Variants in PLPP3 observed in about 807,000 individuals in gnomAD.
PLPP3 encodes PAP2 beta.
Under a neutral mutation model 29.6 loss-of-function variants are expected in PLPP3, and 6 were observed. The observed-to-expected ratio is 0.20, with a 90% CI of 0.11 to 0.40. PLPP3 has a LOEUF of 0.40. PLPP3 is among the 10% of genes least tolerant of loss of function. The probability of loss-of-function intolerance (pLI) is 1.00; values close to 1 mark genes in which losing one functional copy is unlikely to be tolerated. For synonymous variants in PLPP3, 152 were observed against 159.7 expected, an observed-to-expected ratio of 0.95 and a Z score of 0.36; for missense variants, 308 against 407.7, an observed-to-expected ratio of 0.76 and a Z score of 2.11.
At chr1:56,573,740 A>G (rs1241463952) in intron 1 of PLPP3, among the ~76,000 whole-genome samples, 2 of 152,224 alleles carry the variant, frequency 1.3e-5, no homozygotes, top group African/African-American at 4.8e-5. Flanking sequence ...TTGAACTGAC[A>G]CACAGGACAG....
At chr1:56,530,413 C>T (rs1645879894) in intron 2 of PLPP3, among the ~76,000 whole-genome samples, 2 of 152,190 alleles carry the variant, frequency 1.3e-5, no homozygotes, top group South Asian at 2.1e-4. Flanking sequence ...GCTAACTCTC[C>T]CACCTGGAGA....
rs977595034 is a variant in PLPP3 at position 56,578,781 on chromosome 1, G to T, written c.139+97C>A. ...GCGGGGGCCCCCCGGAGCTGACGGC[G>T]CGGCGCGGCGCGGCGCTGCGCGGCC... On this transcript the variant is annotated intron_variant, in intron 1 of 5. Transcript: ENST00000371250. The T allele has an allele frequency of 8.1e-5, 99 of 1,222,090 alleles. No individual in the cohort carries two copies. The East Asian group carries it at 3.4e-3, about 42-fold the overall frequency. 75.7% of individuals were successfully genotyped at this position (1,222,090 alleles called of 1,614,324 possible).
At chr1:56,502,836 A>G (rs1468357035) in intron 5 of PLPP3, among the ~76,000 whole-genome samples, 1 of 152,230 alleles carries the variant, frequency 6.6e-6, no homozygotes, top group African/African-American at 2.4e-5. Flanking sequence ...TCAGAGTTCA[A>G]AAACTGTAGC....
intron 2 of PLPP3, among the ~76,000 whole-genome samples, chr1:56,535,854 C>T (rs1027457824): frequency 6.6e-6 from 1 of 152,298 alleles, no homozygotes; most frequent in Non-Finnish European, 1.5e-5. Flanking sequence ...GAGTGCAATT[C>T]CAGGCATTAT....
intron 4 of PLPP3, among the ~76,000 whole-genome samples, chr1:56,522,991 A>G (rs1286627912): frequency 6.6e-6 from 1 of 152,180 alleles, no homozygotes; most frequent in African/African-American, 2.4e-5. Flanking sequence ...GCATTACCCA[A>G]CCGTCTCCAG....
At position 56,557,024 on chromosome 1, in the gene PLPP3, GAA is replaced by G. The variant is rs1179095289; in HGVS notation, c.140-19914_140-19913del. On this transcript the variant is annotated intron_variant, in intron 1 of 5. Coordinates refer to ENST00000371250, the MANE Select transcript of PLPP3 (RefSeq NM_003713.5). ...AAAGAAAGAAAGAGAGAGAGAGAGA[GAA>G]AGAGAGAGAGAGAGAGAGAGAGAGA... is the stretch of plus-strand genomic sequence containing the variant. Among the ~76,000 whole-genome samples the G allele has an allele frequency of 2.1e-3, 8 of 3,858 alleles. 1 individual carries two copies. The highest frequency in any genetic ancestry group is 3.1e-3 in the Non-Finnish European group (3 of 976). The allele number at this position is 3,858 out of a possible 152,430, so 2.5% of individuals were successfully genotyped here. A position where few individuals can be genotyped will look rare whatever the true frequency, so the allele number is the denominator to read the frequency against.
chr1:56,567,621 T>C (rs11800883), intron 1 of PLPP3, among the ~76,000 whole-genome samples: 12,426 of 151,912 alleles, frequency 0.082, 936 homozygotes, highest in East Asian at 0.24. Context: ...ATGGTCTCAA[T>C]CTCCTGACCT....
At position 56,549,469 on chromosome 1, in the gene PLPP3, G is replaced by T. The variant is rs374112003; in HGVS notation, c.140-12357C>A. 6.6e-5 allele frequency among the ~76,000 whole-genome samples: 10 copies of T among 152,262 alleles called. No homozygotes were observed. In the East Asian group the frequency reaches 1.7e-3, roughly 26 times the overall value. ...ATCACCGGATCACACTTCCTCATCT[G>T]CTCTCTGGGGTTCATTTTCTTCATG... On this transcript the variant is annotated intron_variant, in intron 1 of 5. Coordinates refer to ENST00000371250, the MANE Select transcript of PLPP3 (RefSeq NM_003713.5).
chr1:56,496,783 A>G, intron 5 of PLPP3, 107 bp from the exon 6 acceptor site: 4 of 1,165,972 alleles, frequency 3.4e-6, no homozygotes, highest in Non-Finnish European at 3.6e-6. Flanking sequence ...AGGGGCCCCA[A>G]ATCATAACTC....
intron 4 of PLPP3, among the ~76,000 whole-genome samples, chr1:56,522,222 T>C (rs1389963556): frequency 6.6e-6 from 1 of 152,152 alleles, no homozygotes; most frequent in African/African-American, 2.4e-5. Context: ...ACAGAGTAAG[T>C]AGATATGGTG....
At chr1:56,559,845 T>C (rs532571244) in intron 1 of PLPP3, among the ~76,000 whole-genome samples, 1 of 152,316 alleles carries the variant, frequency 6.6e-6, no homozygotes, top group South Asian at 2.1e-4. Flanking sequence ...GGAAGAACTT[T>C]TGATGCTTGT....
At chr1:56,550,320 T>C (rs61772627) in intron 1 of PLPP3, among the ~76,000 whole-genome samples, 14,008 of 152,216 alleles carry the variant, frequency 0.092, 878 homozygotes, top group Middle Eastern at 0.13. Flanking sequence ...AGGAACCCTA[T>C]TGTTCCAGAG....
chr1:56,561,570 A>C (rs1004745980), intron 1 of PLPP3, among the ~76,000 whole-genome samples: 2 of 152,034 alleles, frequency 1.3e-5, no homozygotes, highest in East Asian at 3.9e-4. Context: ...TAGGCAACAA[A>C]ATTTTTCTTT....
chr1:56,569,251 C>T (rs1195130012), intron 1 of PLPP3, among the ~76,000 whole-genome samples: 1 of 152,126 alleles, frequency 6.6e-6, no homozygotes, highest in Non-Finnish European at 1.5e-5. Context: ...CAGCTCACTG[C>T]AACCTCTGCC....
chr1:56,526,645 C>A (rs1397519338), intron 2 of PLPP3, among the ~76,000 whole-genome samples: 1 of 152,178 alleles, frequency 6.6e-6, no homozygotes, highest in Admixed American at 6.5e-5. Flanking sequence ...AGCCGAGGTT[C>A]AAGTCCCTAC....
At chr1:56,536,425 C>T (rs1645927306) in intron 2 of PLPP3, among the ~76,000 whole-genome samples, 1 of 152,086 alleles carries the variant, frequency 6.6e-6, no homozygotes, top group Admixed American at 6.5e-5. Flanking sequence ...GCCTCCCTTC[C>T]CCCTCCCCAA....
intron 2 of PLPP3, among the ~76,000 whole-genome samples, chr1:56,528,560 T>C (rs547351050): frequency 6.6e-6 from 1 of 152,222 alleles, no homozygotes; most frequent in South Asian, 2.1e-4. Context: ...ATAAGGTTAA[T>C]AATATCTATG....
chr1:56,557,015 AGAGAG>A (rs1557513555), intron 1 of PLPP3, among the ~76,000 whole-genome samples: 1 of 13,586 alleles, frequency 7.4e-5, no homozygotes, highest in Non-Finnish European at 1.9e-4. Flanking sequence ...AGAAAGAGAG[AGAGAG>A]AGAGAAAGAG....
At chr1:56,553,320 C>T (rs1646052864) in intron 1 of PLPP3, among the ~76,000 whole-genome samples, 2 of 152,184 alleles carry the variant, frequency 1.3e-5, no homozygotes, top group Admixed American at 6.5e-5. Context: ...CACGGCAAGG[C>T]TGTGTTTTAG....
Sources: allele counts gnomAD v4.1 joint callset (sites outside exome capture counted in the v4.1 genomes callset), GRCh38; gene constraint gnomAD v4.1.1; transcripts MANE v1.5; gene names NCBI Gene and HGNC (gene_info 2026-07-23, HGNC 2026-07-21).